RAPGEF1: variants seen among roughly 807,000 people sequenced by gnomAD.
RAPGEF1 encodes the protein Rap guanine nucleotide exchange factor 1, also known as CRK SH3-binding GNRP.
A neutral mutation model predicts 143.3 loss-of-function variants in RAPGEF1; 33 were observed. The ratio of observed to expected loss-of-function variants is 0.23; its 90% confidence interval spans 0.17 to 0.31. The LOEUF is 0.31. Among genes scored for constraint, RAPGEF1 ranks in the 10% least tolerant of loss-of-function variants. The pLI, the probability that RAPGEF1 is intolerant of heterozygous loss-of-function variation, is 1.00. For missense variants in RAPGEF1, 1,199 were observed against 1,645.4 expected (o/e 0.73, Z 4.69); for synonymous variants, 629 against 676.5 (o/e 0.93, Z 1.09).
chr9:131,625,911 C>A lies in RAPGEF1; in HGVS notation c.1702+11G>T, dbSNP rs749656451. 7.8e-6 allele frequency: 12 copies of A among 1,541,424 alleles called. No homozygotes were observed. The highest frequency in any genetic ancestry group is 5.9e-5 in the Admixed American group (3 of 51,274). ...AATGCACTTCCTGACAACAGTGCAA[C>A]AAAGGCTTACTGTGTTTGTTTTTCT... On this transcript the variant is annotated intron_variant, in intron 10 of 26. Coordinates refer to ENST00000683357, the MANE Select transcript of RAPGEF1 (RefSeq NM_001377935.1).
rs982578533 is a variant in RAPGEF1 at position 131,583,452 on chromosome 9, C to T, written c.3415-750G>A. On this transcript the variant is annotated intron_variant, in intron 24 of 26. Coordinates refer to ENST00000683357, the MANE Select transcript of RAPGEF1 (RefSeq NM_001377935.1). This position sits in a 1 kb window ranked among gnomAD's most constrained non-coding sequence, Gnocchi z 4.7. ...ACCCCTGGGTGGCCTGGGTCACACT[C>T]GGGTTCCTGACACGACCCCCAGGTG... 1.6e-4 allele frequency among the ~76,000 whole-genome samples: 24 copies of T among 151,854 alleles called. No homozygotes were observed. The highest frequency in any genetic ancestry group is 5.6e-4 in the African/African-American group (23 of 41,392).
intron 11 of RAPGEF1, among the ~76,000 whole-genome samples, chr9:131,619,569 G>A (rs1030498442): frequency 1.3e-5 from 2 of 152,188 alleles, no homozygotes; most frequent in African/African-American, 2.4e-5. Flanking sequence ...TCAGAACTCA[G>A]ACGGGGCTCC....
chr9:131,737,310 A>T, intron 1 of RAPGEF1: 1 of 1,586,644 alleles, frequency 6.3e-7, no homozygotes. Flanking sequence ...TGTCTCCACC[A>T]GGTATATATC....
Position 131,621,812 on chromosome 9 carries a change from G to A in RAPGEF1, c.1889C>T (p.Pro630Leu), listed in dbSNP as rs374656307. The A allele has an allele frequency of 2.5e-6, 4 of 1,607,660 alleles. No individual in the cohort carries two copies. Among genetic ancestry groups the A allele is most frequent in the Non-Finnish European group, 2.5e-6 (3 of 1,177,366 alleles). ...QELAPPPALP[P>L]KQRQLASCAA... ...GTCACTCACCAGCTGCCGCTGCTTG[G>A]GGGGTAGGGCGGGCGGCGGGGCCAG... The change falls in exon 11 of 27, where the codon CCC becomes CTC. Residue 630 changes from proline (P) to leucine (L), a missense_variant. Pro to Leu is a moderately conservative substitution (Grantham distance 98, BLOSUM62 -3). Coordinates refer to ENST00000683357, the MANE Select transcript of RAPGEF1 (RefSeq NM_001377935.1). This position sits in a 1 kb window ranked among gnomAD's most constrained non-coding sequence, Gnocchi z 4.5.
At chr9:131,598,490 T>C (rs1955686602) in intron 15 of RAPGEF1, 180 bp from the exon 16 acceptor site, 2 of 699,714 alleles carry the variant, frequency 2.9e-6, no homozygotes, top group South Asian at 3.0e-5. Context: ...TGTGTGGCCA[T>C]AGGACAGTCG....
intron 22 of RAPGEF1, among the ~76,000 whole-genome samples, chr9:131,586,208 ACG>A (rs1952704664): frequency 7.0e-6 from 1 of 142,992 alleles, no homozygotes; most frequent in Admixed American, 6.9e-5. Flanking sequence ...ACACACACAC[ACG>A]CACGCACACA....
intron 1 of RAPGEF1, among the ~76,000 whole-genome samples, chr9:131,730,177 G>T (rs139170758): frequency 0.082 from 9,201 of 111,836 alleles, 448 homozygotes; most frequent in East Asian, 0.28. Context: ...CTGGGCAACA[G>T]AGCGAGACTC....
chr9:131,629,772 C>T (rs1408825575), intron 6 of RAPGEF1, among the ~76,000 whole-genome samples: 1 of 151,844 alleles, frequency 6.6e-6, no homozygotes, highest in Non-Finnish European at 1.5e-5. Context: ...GCCTGAGCCA[C>T]AGAGACTCTG....
At chr9:131,580,634 T>C (rs1951722524) in intron 25 of RAPGEF1, among the ~76,000 whole-genome samples, 1 of 152,004 alleles carries the variant, frequency 6.6e-6, no homozygotes. Context: ...CTGAGGGTGA[T>C]GCGGCTGCCA....
At chr9:131,636,288 T>C (rs1966359728) in intron 5 of RAPGEF1, among the ~76,000 whole-genome samples, 1 of 152,288 alleles carries the variant, frequency 6.6e-6, no homozygotes, top group Non-Finnish European at 1.5e-5. Context: ...TAAATGCTTC[T>C]TGAATAAATG....
intron 10 of RAPGEF1, among the ~76,000 whole-genome samples, chr9:131,622,922 C>T (rs779991075): frequency 1.3e-5 from 2 of 152,082 alleles, no homozygotes; most frequent in African/African-American, 4.8e-5. Flanking sequence ...CATGCACCAC[C>T]GTGTCCAGCT....
At chr9:131,640,103 T>C (rs1967438805) in intron 4 of RAPGEF1, among the ~76,000 whole-genome samples, 1 of 152,230 alleles carries the variant, frequency 6.6e-6, no homozygotes, top group African/African-American at 2.4e-5. Context: ...GTATTTGTTG[T>C]TGGAACTACT....
At chr9:131,696,536 C>T (rs1032221852) in intron 1 of RAPGEF1, among the ~76,000 whole-genome samples, 6 of 152,196 alleles carry the variant, frequency 3.9e-5, no homozygotes, top group Admixed American at 1.3e-4. Context: ...CTAATTCTTC[C>T]TCTGTGCCAT....
chr9:131,633,332 A>G (rs1965457282), intron 5 of RAPGEF1, among the ~76,000 whole-genome samples: 1 of 152,176 alleles, frequency 6.6e-6, no homozygotes, highest in East Asian at 1.9e-4. Flanking sequence ...AGCTCTTCCT[A>G]AAAGCACAAC....
chr9:131,669,809 C>G (rs1443726670), intron 1 of RAPGEF1, among the ~76,000 whole-genome samples: 1 of 152,208 alleles, frequency 6.6e-6, no homozygotes, highest in Non-Finnish European at 1.5e-5. Context: ...GGTTTAAGCA[C>G]AGACAGAATT....
chr9:131,628,753 G>C lies in RAPGEF1; in HGVS notation c.894-81C>G. 1 of 1,501,174 alleles carries C rather than the reference G, an allele frequency of 6.7e-7. No individual in the cohort carries two copies. The highest frequency in any genetic ancestry group is 8.9e-7 in the Non-Finnish European group (1 of 1,118,670). 93.0% of individuals were successfully genotyped at this position (1,501,174 alleles called of 1,614,324 possible). A position where few individuals can be genotyped will look rare whatever the true frequency, so the allele number is the denominator to read the frequency against. On this transcript the variant is annotated intron_variant, in intron 7 of 26. Transcript: ENST00000683357. The surrounding 1 kb of genome is among the most constrained non-coding windows in gnomAD (Gnocchi z 5.7). ...GCGTGATATTGGGGTACAGGATGTG[G>C]GGTTCTTTCATTACTAGACTCTCCA...
rs912470955 is a variant in RAPGEF1, at chr9:131,628,362, C to T, written c.1017+187G>A. 6.6e-6 allele frequency among the ~76,000 whole-genome samples: 1 copy of T among 152,142 alleles called. No homozygotes were observed. Among genetic ancestry groups the T allele is most frequent in the Non-Finnish European group, 1.5e-5 (1 of 68,012 alleles). ...TTGGCTCTGCCCTCCCTGCCCTGACCCTTATCCCCATATGGGAACTTGGAC... is the reference window on the plus strand; with the variant it reads ...TTGGCTCTGCCCTCCCTGCCCTGACTCTTATCCCCATATGGGAACTTGGAC... On this transcript the variant is annotated intron_variant, in intron 8 of 26. Transcript: ENST00000683357. The surrounding 1 kb of genome is among the most constrained non-coding windows in gnomAD (Gnocchi z 5.7).
At chr9:131,691,805 A>G (rs962473943) in intron 1 of RAPGEF1, among the ~76,000 whole-genome samples, 1 of 152,250 alleles carries the variant, frequency 6.6e-6, no homozygotes, top group Non-Finnish European at 1.5e-5. Context: ...AAAATGATAA[A>G]TAACAATTGT....
At chr9:131,666,730 C>T (rs1276370859) in intron 1 of RAPGEF1, among the ~76,000 whole-genome samples, 2 of 152,174 alleles carry the variant, frequency 1.3e-5, no homozygotes, top group African/African-American at 2.4e-5. Flanking sequence ...AGTATTATTA[C>T]AACATGTAAT....
Sources: gnomAD v4.1 joint callset for allele counts (sites outside exome capture counted in the v4.1 genomes callset) on GRCh38, gnomAD v4.1.1 for gene constraint, Gnocchi (gnomAD v3.1) non-coding constraint, MANE v1.5 for transcripts, NCBI Gene and HGNC (gene_info 2026-07-23, HGNC 2026-07-21) for gene names.